LDHAL6A: variants seen among roughly 807,000 people sequenced by gnomAD.
LDHAL6A encodes L-lactate dehydrogenase A-like 6A.
LDHAL6A carries 19 observed loss-of-function variants against 28.2 expected under a neutral mutation model. The ratio of observed to expected loss-of-function variants is 0.67; its 90% CI spans 0.47 to 0.99. LDHAL6A has a LOEUF of 0.99. Among genes scored for constraint, LDHAL6A ranks in the 50% least tolerant of loss-of-function variants. The probability of loss-of-function intolerance (pLI) is 0.00; values close to 1 mark genes in which losing one functional copy is unlikely to be tolerated. For missense variants in LDHAL6A, 372 were observed against 398.6 expected (o/e 0.93, Z 0.57); for synonymous variants, 144 against 134.4 (o/e 1.07, Z -0.49).
intron 3 of LDHAL6A, among the ~76,000 whole-genome samples, chr11:18,474,532 G>A (rs544268097): frequency 8.5e-4 from 129 of 152,130 alleles, no homozygotes; most frequent in Non-Finnish European, 1.5e-3. Flanking sequence ...GACTACAGGC[G>A]CGCACCACCA....
chr11:18,465,443 T>TA (rs1554967100), intron 2 of LDHAL6A, among the ~76,000 whole-genome samples, 194 bp from the exon 3 acceptor site: 7 of 139,850 alleles, frequency 5.0e-5, no homozygotes, highest in Admixed American at 2.1e-4. Flanking sequence ...TTTTTTTTTT[T>TA]ATTATTAAAA....
At position 18,456,319 on chromosome 11, in the gene LDHAL6A, A is replaced by C; in HGVS notation, c.-362A>C. ...CTGGAGGTTGGGGGAACAGCAGGGT[A>C]AAGGGGAGAGAAAAGGGGGTCAGCT... On this transcript the variant is annotated 5_prime_UTR_variant, in exon 1 of 7. Coordinates refer to ENST00000280706, the MANE Select transcript of LDHAL6A (RefSeq NM_144972.5). The C allele has an allele frequency of 4.5e-6, 1 of 222,040 alleles. No individual in the cohort carries two copies. Among genetic ancestry groups the C allele is most frequent in the Non-Finnish European group, 8.9e-6 (1 of 112,412 alleles). 13.8% of individuals were successfully genotyped at this position (222,040 alleles called of 1,614,324 possible).
chr11:18,472,542 T>C (rs966473669), intron 3 of LDHAL6A, among the ~76,000 whole-genome samples: 2 of 152,216 alleles, frequency 1.3e-5, no homozygotes, highest in Non-Finnish European at 2.9e-5. Flanking sequence ...ATAAAAAATA[T>C]GGATTTACAA....
intron 1 of LDHAL6A, among the ~76,000 whole-genome samples, chr11:18,459,247 A>T (rs1252089888): frequency 1.3e-5 from 2 of 152,324 alleles, no homozygotes; most frequent in Non-Finnish European, 2.9e-5. Context: ...CTAGGATAAA[A>T]GCAGGCAGAG....
chr11:18,466,213 G>A (rs900097756), intron 3 of LDHAL6A, among the ~76,000 whole-genome samples: 1 of 152,168 alleles, frequency 6.6e-6, no homozygotes. Context: ...GTTTTTGGGG[G>A]TGGGTTTAGT....
At chr11:18,464,977 G>GTTTTTTTGTTTTTT (rs1565068683) in intron 2 of LDHAL6A, among the ~76,000 whole-genome samples, 71 of 125,518 alleles carry the variant, frequency 5.7e-4, no homozygotes, top group Admixed American at 2.8e-3. Context: ...TGTTTTTTTT[G>GTTTTTTTGTTTTTT]TTTTTTTTTG....
intron 3 of LDHAL6A, among the ~76,000 whole-genome samples, chr11:18,469,999 G>C (rs1849218498): frequency 6.6e-6 from 1 of 152,144 alleles, no homozygotes; most frequent in African/African-American, 2.4e-5. Flanking sequence ...TGCAATATCG[G>C]CTCACTGCAA....
chr11:18,467,988 T>C (rs1293932682), intron 3 of LDHAL6A, among the ~76,000 whole-genome samples: 4 of 45,502 alleles, frequency 8.8e-5, no homozygotes, highest in Non-Finnish European at 1.4e-4. Flanking sequence ...TACGTATATA[T>C]ATGCATATAT....
At chr11:18,467,682 A>AT (rs2133875591) in intron 3 of LDHAL6A, among the ~76,000 whole-genome samples, 1 of 150,944 alleles carries the variant, frequency 6.6e-6, no homozygotes, top group South Asian at 2.1e-4. Context: ...ACATGGCAAA[A>AT]TCCCATCTTT....
intron 1 of LDHAL6A, among the ~76,000 whole-genome samples, chr11:18,457,645 T>G (rs1183119759): frequency 6.6e-6 from 1 of 152,162 alleles, no homozygotes; most frequent in Admixed American, 6.6e-5. Flanking sequence ...TTGTAATGCC[T>G]TTATCAGCAG....
intron 6 of LDHAL6A, 32 bp from the exon 7 acceptor site, chr11:18,478,674 A>C (rs1397946541): frequency 1.9e-6 from 3 of 1,563,650 alleles, no homozygotes. Flanking sequence ...ACTTTGTTAA[A>C]AAAGGAATAA....
intron 1 of LDHAL6A, among the ~76,000 whole-genome samples, chr11:18,462,666 AC>A (rs1394898718): frequency 0.091 from 10,348 of 114,100 alleles, 864 homozygotes; most frequent in African/African-American, 0.11. Flanking sequence ...AAAAAAAAAA[AC>A]AAAAAAAACC....
intron 3 of LDHAL6A, among the ~76,000 whole-genome samples, chr11:18,468,028 T>C (rs1447584784): frequency 4.6e-4 from 5 of 10,976 alleles, no homozygotes; most frequent in African/African-American, 1.4e-3. Context: ...TATATACGTA[T>C]ATATATATAC....
chr11:18,474,014 A>G (rs1849307718), intron 3 of LDHAL6A, among the ~76,000 whole-genome samples: 1 of 152,150 alleles, frequency 6.6e-6, no homozygotes, highest in South Asian at 2.1e-4. Flanking sequence ...ATGTTGACAG[A>G]TTTTTTGATA....
Position 18,479,113 on chromosome 11 carries a change from G to A in LDHAL6A, c.*243G>A, listed in dbSNP as rs1242570619. 6 of 327,732 alleles carry A rather than the reference G, an allele frequency of 1.8e-5. No individual in the cohort carries two copies. In the South Asian group the frequency reaches 2.0e-4, roughly 11 times the overall value. 20.3% of individuals were successfully genotyped at this position (327,732 alleles called of 1,614,324 possible). Reference sequence around the variant, plus strand: ...CAACCTTGACCTCCCGAGCTCAGGTGAGCCTCCCACTTCAGCCTCCAGAGT... The same window carrying A: ...CAACCTTGACCTCCCGAGCTCAGGTAAGCCTCCCACTTCAGCCTCCAGAGT... On this transcript the variant is annotated 3_prime_UTR_variant, in exon 7 of 7. Coordinates refer to ENST00000280706, the MANE Select transcript of LDHAL6A (RefSeq NM_144972.5).
intron 3 of LDHAL6A, among the ~76,000 whole-genome samples, chr11:18,470,690 C>CTT (rs573072507): frequency 7.0e-6 from 1 of 143,752 alleles, no homozygotes; most frequent in African/African-American, 2.5e-5. Flanking sequence ...ACCTAGCACA[C>CTT]TTTTTTTTTT....
chr11:18,478,729 C>T lies in LDHAL6A; in HGVS notation c.858C>T (p.Asp286=). The T allele has an allele frequency of 3.1e-6, 5 of 1,609,774 alleles. No individual in the cohort carries two copies. Among genetic ancestry groups the T allele is most frequent in the Non-Finnish European group, 4.2e-6 (5 of 1,177,706 alleles). The change falls in exon 7 of 7, where the codon GAC becomes GAT. Residue 286 remains aspartate, a synonymous_variant. Transcript: ENST00000280706. ...AGGGCCTCTATGGAATAAATGAAGA[C>T]ATATTCCTTAGTGTCCCATGTATCC... is the stretch of plus-strand genomic sequence containing the variant. ...LSKGLYGINE[D]IFLSVPCILG...
intron 3 of LDHAL6A, 151 bp downstream of exon 3, chr11:18,465,961 C>G: frequency 3.5e-6 from 2 of 567,434 alleles, no homozygotes; most frequent in Non-Finnish European, 6.1e-6. Context: ...GTTTTTCAGC[C>G]CTTGCTGCTC....
At chr11:18,469,093 TC>T in intron 3 of LDHAL6A, 1 of 463,028 alleles carries the variant, frequency 2.2e-6, no homozygotes, top group East Asian at 3.4e-5. Context: ...TTTTTTCACA[TC>T]CTGAAATGTC....
Sources: allele counts gnomAD v4.1 joint callset (sites outside exome capture counted in the v4.1 genomes callset), GRCh38; gene constraint gnomAD v4.1.1; transcripts MANE v1.5; gene names NCBI Gene and HGNC (gene_info 2026-07-23, HGNC 2026-07-21).